The following TUBA4A variants were observed in gnomAD, a reference collection of about 807,000 sequenced individuals.
TUBA4A encodes the protein tubulin alpha 4a.
A neutral mutation model predicts 34.3 loss-of-function variants in TUBA4A; 23 were observed. The ratio of observed to expected loss-of-function variants is 0.67; its 90% CI spans 0.48 to 0.95. The LOEUF (loss-of-function observed/expected upper bound fraction) is 0.95, where lower values mean the gene tolerates loss of function less well. TUBA4A is among the 40% of genes least tolerant of loss of function. TUBA4A has a pLI of 0.00. For missense variants in TUBA4A, 279 were observed against 599.0 expected, an observed-to-expected ratio of 0.47 and a Z score of 5.58; for synonymous variants, 216 against 230.5, an observed-to-expected ratio of 0.94 and a Z score of 0.57.
At chr2:219,253,950 CGGGGGG>C, upstream of TUBA4A, 1 of 508,838 alleles carries the variant, frequency 2.0e-6, no homozygotes, top group Non-Finnish European at 2.9e-6. Flanking sequence ...CCCTTATAGG[CGGGGGG>C]GGGGCGGGGC....
At position 219,251,140 on chromosome 2, in the gene TUBA4A, A is replaced by G; in HGVS notation, c.559T>C (p.Ser187Pro). ...AGGGTGGTGTGGGTGGTCAGGATAG[A>G]GTTGTAGGGCTCGACCACGGCTGTA... ...VSTAVVEPYN[S>P]ILTTHTTLEH... The change falls in exon 4 of 4, where the codon TCT (serine) becomes CCT (proline). Residue 187 changes from serine to proline, a missense_variant. This residue lies in a region of TUBA4A where 108 missense variants were observed against 299.9 expected (regional missense o/e 0.36). Transcript: ENST00000248437. This position sits in a 1 kb window ranked among gnomAD's most constrained non-coding sequence, Gnocchi z 6.1. 1 of 1,614,038 alleles carries G rather than the reference A, an allele frequency of 6.2e-7. No homozygotes were observed. The highest frequency in any genetic ancestry group is 8.5e-7 in the Non-Finnish European group (1 of 1,180,016).
rs1951662098 is a variant in TUBA4A, at chr2:219,252,341, G to A, written c.4-111C>T. On this transcript the variant is annotated intron_variant, in intron 1 of 3. Transcript: ENST00000248437. This position sits in a 1 kb window ranked among gnomAD's most constrained non-coding sequence, Gnocchi z 4.1. Reference sequence around the variant, plus strand: ...CCAGCTAGGATGACTCAGTTGGCAAGAGTGGAGGGTTGGGGCTGGGCAGAG... The same window carrying A: ...CCAGCTAGGATGACTCAGTTGGCAAAAGTGGAGGGTTGGGGCTGGGCAGAG... 1.8e-6 allele frequency: 2 copies of A among 1,081,686 alleles called. No homozygotes were observed. Among genetic ancestry groups the A allele is most frequent in the Admixed American group, 4.2e-5 (2 of 47,970 alleles). 67.0% of individuals were successfully genotyped at this position (1,081,686 alleles called of 1,614,324 possible). A position where few individuals can be genotyped will look rare whatever the true frequency, so the allele number is the denominator to read the frequency against.
chr2:219,253,075 C>A (rs750621255), intron 1 of TUBA4A: 1 of 1,279,622 alleles, frequency 7.8e-7, no homozygotes, highest in South Asian at 1.3e-5. Flanking sequence ...CATCCTGCAG[C>A]CCAGCCCTAC....
chr2:219,253,618 C>T (rs1195527317), intron 1 of TUBA4A, among the ~76,000 whole-genome samples: 2 of 152,178 alleles, frequency 1.3e-5, no homozygotes, highest in Non-Finnish European at 2.9e-5. Context: ...GGAAGGGTTC[C>T]TCTCTGTTAC....
chr2:219,251,321 A>G lies in TUBA4A; in HGVS notation c.378T>C (p.Ser126=). ...DPVLDRIRKL[S]DQCTGLQGFL... ...AGCCCTGAAGTCCTGTGCACTGGTC[A>G]GACTGAAAGGCAAGAACGAGAAAGA... Residue 126 remains serine (S), a splice_region_variant and synonymous_variant, in exon 4 of 4, where the codon TCT becomes TCC. Transcript: ENST00000248437. This position sits in a 1 kb window ranked among gnomAD's most constrained non-coding sequence, Gnocchi z 6.1. The G allele has an allele frequency of 1.2e-6, 2 of 1,601,082 alleles. No homozygotes were observed. Among genetic ancestry groups the G allele is most frequent in the Non-Finnish European group, 1.7e-6 (2 of 1,172,084 alleles).
At position 219,252,376 on chromosome 2, in the gene TUBA4A, G is replaced by A; in HGVS notation, c.4-146C>T. The A allele has an allele frequency of 1.2e-6, 1 of 810,770 alleles. No homozygotes were observed. The highest frequency in any genetic ancestry group is 1.9e-6 in the Non-Finnish European group (1 of 519,284). 50.2% of individuals were successfully genotyped at this position (810,770 alleles called of 1,614,324 possible). ...TTGGGGCTGGGCAGAGGTGAGAAGA[G>A]AGTAGCAGCCTGCCCGGGCTCCCAG... On this transcript the variant is annotated intron_variant, in intron 1 of 3. Transcript: ENST00000248437. The surrounding 1 kb of genome is among the most constrained non-coding windows in gnomAD (Gnocchi z 4.1).
chr2:219,251,255 G>T lies in TUBA4A; in HGVS notation c.444C>A (p.Gly148=). Residue 148 remains glycine (G), a synonymous_variant, in exon 4 of 4, where the codon GGC becomes GGA. Transcript: ENST00000248437. The surrounding 1 kb of genome is among the most constrained non-coding windows in gnomAD (Gnocchi z 6.1). ...GCCGCTCCATCAGGAGTGAGGTGAA[G>T]CCAGAGCCAGTGCCCCCACCAAAGC... The part of the protein sequence containing the change: ...FHSFGGGTGS[G]FTSLLMERLS... 1 of 1,614,114 alleles carries T rather than the reference G, an allele frequency of 6.2e-7. No individual in the cohort carries two copies. The highest frequency in any genetic ancestry group is 8.5e-7 in the Non-Finnish European group (1 of 1,180,012).
In TUBA4A at chr2:219,251,331, G is replaced by A; in HGVS notation, c.376-8C>T. The A allele has an allele frequency of 1.3e-6, 2 of 1,592,588 alleles. No individual in the cohort carries two copies. Among genetic ancestry groups the A allele is most frequent in the Non-Finnish European group, 8.6e-7 (1 of 1,167,628 alleles). The stretch of plus-strand genomic sequence containing the variant: ...TCCTGTGCACTGGTCAGACTGAAAG[G>A]CAAGAACGAGAAAGAACAGTTTAGG... On this transcript the variant is annotated splice_polypyrimidine_tract_variant and splice_region_variant and intron_variant, in intron 3 of 3. Transcript: ENST00000248437. This position sits in a 1 kb window ranked among gnomAD's most constrained non-coding sequence, Gnocchi z 6.1.
In TUBA4A at chr2:219,251,345, G is replaced by A; in HGVS notation, c.376-22C>T. 2 of 1,581,564 alleles carry A rather than the reference G, an allele frequency of 1.3e-6. No individual in the cohort carries two copies. The highest frequency in any genetic ancestry group is 8.6e-7 in the Non-Finnish European group (1 of 1,162,018). On this transcript the variant is annotated intron_variant, in intron 3 of 3. Coordinates refer to ENST00000248437, the MANE Select transcript of TUBA4A (RefSeq NM_006000.3). The surrounding 1 kb of genome is among the most constrained non-coding windows in gnomAD (Gnocchi z 6.1). ...CAGACTGAAAGGCAAGAACGAGAAAGAACAGTTTAGGTAGGGGAGGGGCCT... is the reference window on the plus strand; with the variant it reads ...CAGACTGAAAGGCAAGAACGAGAAAAAACAGTTTAGGTAGGGGAGGGGCCT...
At chr2:219,254,673 G>C (rs887441448), upstream of TUBA4A, 3 of 152,428 alleles carry the variant, frequency 2.0e-5, no homozygotes, top group African/African-American at 4.8e-5. Flanking sequence ...AGAACTGCGG[G>C]AGCGCTGACC....
At chr2:219,254,022 G>T, upstream of TUBA4A, 1 of 674,118 alleles carries the variant, frequency 1.5e-6, no homozygotes, top group Non-Finnish European at 2.3e-6. Context: ...ACGCCTCCCG[G>T]GAGGGTAAGC....
At position 219,252,542 on chromosome 2, in the gene TUBA4A, C is replaced by A. The variant is rs45576041; in HGVS notation, c.4-312G>T. ...GAGGTATGGGTTTACAGCTAGAGGC[C>A]CCCCCCCCACTTGATTAATTATTTG... is the stretch of plus-strand genomic sequence containing the variant. On this transcript the variant is annotated intron_variant, in intron 1 of 3. Coordinates refer to ENST00000248437, the MANE Select transcript of TUBA4A (RefSeq NM_006000.3). This position sits in a 1 kb window ranked among gnomAD's most constrained non-coding sequence, Gnocchi z 4.1. Among the ~76,000 whole-genome samples the A allele has an allele frequency of 9.7e-4, 119 of 122,122 alleles. No individual in the cohort carries two copies. Among genetic ancestry groups the A allele is most frequent in the African/African-American group, 3.0e-3 (99 of 33,486 alleles). The allele number at this position is 122,122 out of a possible 152,430, so 80.1% of individuals were successfully genotyped here.
In TUBA4A at chr2:219,252,410, C is replaced by T. The variant is rs1001055240; in HGVS notation, c.4-180G>A. Among the ~76,000 whole-genome samples, 2 of 152,068 alleles carry T rather than the reference C, an allele frequency of 1.3e-5. No individual in the cohort carries two copies. The highest frequency in any genetic ancestry group is 4.8e-5 in the African/African-American group (2 of 41,390). ...CCTGCCCGGGCTCCCAGGTACAGGA[C>T]TCCCCACCTGGAGGCACCCAGCAAT... is the stretch of plus-strand genomic sequence containing the variant. On this transcript the variant is annotated intron_variant, in intron 1 of 3. Coordinates refer to ENST00000248437, the MANE Select transcript of TUBA4A (RefSeq NM_006000.3). This position sits in a 1 kb window ranked among gnomAD's most constrained non-coding sequence, Gnocchi z 4.1.
In TUBA4A at chr2:219,250,350, C is replaced by A; in HGVS notation, c.*2G>T. On this transcript the variant is annotated 3_prime_UTR_variant, in exon 4 of 4. Transcript: ENST00000248437. The surrounding 1 kb of genome is among the most constrained non-coding windows in gnomAD (Gnocchi z 8.4). Reference sequence around the variant, plus strand: ...ATAGTGAATAGGCTCCAGGCAGCTGCTTTATTCTTCTCCCTCATCCTCGTC... The same window carrying A: ...ATAGTGAATAGGCTCCAGGCAGCTGATTTATTCTTCTCCCTCATCCTCGTC... 1 of 1,607,848 alleles carries A rather than the reference C, an allele frequency of 6.2e-7. No homozygotes were observed. The highest frequency in any genetic ancestry group is 8.5e-7 in the Non-Finnish European group (1 of 1,175,632).
chr2:219,251,362 G>A lies in TUBA4A; in HGVS notation c.376-39C>T, dbSNP rs765167142. The stretch of plus-strand genomic sequence containing the variant: ...ACGAGAAAGAACAGTTTAGGTAGGG[G>A]AGGGGCCTGAGGGACTCTATCACCT... On this transcript the variant is annotated intron_variant, in intron 3 of 3. Coordinates refer to ENST00000248437, the MANE Select transcript of TUBA4A (RefSeq NM_006000.3). The surrounding 1 kb of genome is among the most constrained non-coding windows in gnomAD (Gnocchi z 6.1). The A allele has an allele frequency of 1.9e-6, 3 of 1,556,052 alleles. No individual in the cohort carries two copies. Among genetic ancestry groups the A allele is most frequent in the African/African-American group, 1.4e-5 (1 of 73,094 alleles).
chr2:219,254,172 C>T, upstream of TUBA4A: 2 of 309,254 alleles, frequency 6.5e-6, no homozygotes, highest in Non-Finnish European at 1.2e-5. Flanking sequence ...GCTGGGCTCC[C>T]GAGGGCCTCC....
upstream of TUBA4A, chr2:219,254,040 C>G: frequency 3.7e-6 from 2 of 544,566 alleles, no homozygotes; most frequent in Non-Finnish European, 6.2e-6. Context: ...AGCGGCCCCC[C>G]CGAGGGGCGG....
intron 1 of TUBA4A, chr2:219,253,503 G>A: frequency 8.7e-7 from 1 of 1,147,996 alleles, no homozygotes; most frequent in Non-Finnish European, 1.3e-6. Context: ...TAAGAGGGCA[G>A]CCAAACCCGT....
chr2:219,250,223 C>T lies in TUBA4A; in HGVS notation c.*129G>A. ...TAAGGGTCATGAACAGCAAACAGAG[C>T]AGCAGCAGCATGAAGGGGAAGGCAG... is the stretch of plus-strand genomic sequence containing the variant. On this transcript the variant is annotated 3_prime_UTR_variant, in exon 4 of 4. Coordinates refer to ENST00000248437, the MANE Select transcript of TUBA4A (RefSeq NM_006000.3). The surrounding 1 kb of genome is among the most constrained non-coding windows in gnomAD (Gnocchi z 8.4). 11 of 1,320,034 alleles carry T rather than the reference C, an allele frequency of 8.3e-6. No homozygotes were observed. Among genetic ancestry groups the T allele is most frequent in the African/African-American group, 1.5e-5 (1 of 67,758 alleles). 81.8% of individuals were successfully genotyped at this position (1,320,034 alleles called of 1,614,324 possible).
Sources: gnomAD v4.1 joint callset for allele counts (sites outside exome capture counted in the v4.1 genomes callset) on GRCh38, gnomAD v4.1.1 for gene constraint, gnomAD v4.1.1 regional missense constraint, Gnocchi (gnomAD v3.1) non-coding constraint, MANE v1.5 for transcripts, NCBI Gene and HGNC (gene_info 2026-07-23, HGNC 2026-07-21) for gene names.